The following SNX27 variants were observed in gnomAD, a reference collection of about 807,000 sequenced individuals.
The protein encoded by SNX27 is sorting nexin 27, also known as sorting nexin-27.
Under a neutral mutation model 71.6 loss-of-function variants are expected in SNX27, and 22 were observed. That is an observed-to-expected ratio of 0.31 (90% confidence interval 0.22 to 0.44). The LOEUF is 0.44. Ranked by LOEUF, SNX27 falls within the 20% of genes least tolerant of loss-of-function variation. SNX27 has a pLI of 1.00. For missense variants in SNX27, 531 were observed against 698.6 expected (o/e 0.76, Z 2.70); for synonymous variants, 269 against 277.2 (o/e 0.97, Z 0.29).
chr1:151,690,677 G>A (rs540257695), intron 8 of SNX27, among the ~76,000 whole-genome samples: 70 of 151,798 alleles, frequency 4.6e-4, no homozygotes, highest in South Asian at 2.5e-3. Context: ...TAACTCCTGG[G>A]TTCAAGTGAT....
intron 1 of SNX27, among the ~76,000 whole-genome samples, chr1:151,627,965 G>A (rs1196351): frequency 0.9 from 136,342 of 151,052 alleles, 62,521 homozygotes; most frequent in Non-Finnish European, 0.99. Flanking sequence ...TCTTTCCCTT[G>A]GCAACATGGA....
rs142397855 is a variant in SNX27 at position 151,662,047 on chromosome 1, G to A, written c.802-119G>A. The A allele has an allele frequency of 7.2e-4, 422 of 587,904 alleles. 1 individual carries two copies. In the African/African-American group the frequency reaches 7.4e-3, roughly 10 times the overall value. 36.4% of individuals were successfully genotyped at this position (587,904 alleles called of 1,614,324 possible). ...TTGTAAATGTATTGATTTTTTTCCCGTTTTCATTGGAACTCACTTCTTCTC... is the reference window on the plus strand; with the variant it reads ...TTGTAAATGTATTGATTTTTTTCCCATTTTCATTGGAACTCACTTCTTCTC... On this transcript the variant is annotated intron_variant, in intron 4 of 11. Transcript: ENST00000458013.
chr1:151,639,524 G>T (rs1236463201), intron 2 of SNX27, among the ~76,000 whole-genome samples: 1 of 152,174 alleles, frequency 6.6e-6, no homozygotes, highest in Non-Finnish European at 1.5e-5. Flanking sequence ...TGTCCTTCAA[G>T]ATATTTGGGT....
In SNX27 at chr1:151,667,543, G is replaced by GA. The variant is rs1360799160; in HGVS notation, c.986-929_986-928insA. On this transcript the variant is annotated intron_variant, in intron 6 of 11. Transcript: ENST00000458013. ...GAGGCTTGCTTTAAAGATGTTTAGTGGGCCGGGCGCGGTGGCTCACGCCTG... is the reference window on the plus strand; with the variant it reads ...GAGGCTTGCTTTAAAGATGTTTAGTGAGGCCGGGCGCGGTGGCTCACGCCTG... Among the ~76,000 whole-genome samples, 4 of 152,132 alleles carry GA rather than the reference G, an allele frequency of 2.6e-5. No individual in the cohort carries two copies. In the South Asian group the frequency reaches 8.3e-4, roughly 32 times the overall value.
chr1:151,665,426 A>C (rs1211623881), intron 5 of SNX27, among the ~76,000 whole-genome samples: 3 of 152,182 alleles, frequency 2.0e-5, no homozygotes, highest in Admixed American at 6.5e-5. Flanking sequence ...GTAAACAAAA[A>C]AATTTTGTTT....
At position 151,641,224 on chromosome 1, in the gene SNX27, C is replaced by A. The variant is rs565917126; in HGVS notation, c.543+2105C>A. 1.3e-4 allele frequency among the ~76,000 whole-genome samples: 20 copies of A among 152,020 alleles called. No homozygotes were observed. In the South Asian group the frequency reaches 4.2e-3, roughly 32 times the overall value. On this transcript the variant is annotated intron_variant, in intron 2 of 11. Coordinates refer to ENST00000458013, the MANE Select transcript of SNX27 (RefSeq NM_001330723.2). ...GTTTTCATTGCTCTTGAGTATATAC[C>A]AAGAAGTGGAATTGCAGGGTAAGTG...
rs200636393 is a variant in SNX27, at chr1:151,694,714, A to C, written c.*297A>C. 1 of 324,794 alleles carries C rather than the reference A, an allele frequency of 3.1e-6. No individual in the cohort carries two copies. The highest frequency in any genetic ancestry group is 5.6e-6 in the Non-Finnish European group (1 of 177,444). 20.1% of individuals were successfully genotyped at this position (324,794 alleles called of 1,614,324 possible). A position where few individuals can be genotyped will look rare whatever the true frequency, so the allele number is the denominator to read the frequency against. ...GTCCTTTCACCTGGGCCTCATACCA[A>C]CAGCCTCTCCTTGTACTATATTTTT... On this transcript the variant is annotated 3_prime_UTR_variant, in exon 12 of 12. Transcript: ENST00000458013.
At position 151,639,013 on chromosome 1, in the gene SNX27, G is replaced by C. The variant is rs747636472; in HGVS notation, c.437G>C (p.Ser146Thr). 2 of 1,614,134 alleles carry C rather than the reference G, an allele frequency of 1.2e-6. No homozygotes were observed. The highest frequency in any genetic ancestry group is 3.3e-5 in the Admixed American group (2 of 60,010). Residue 146 changes from serine to threonine, a missense_variant, in exon 2 of 12, where the codon AGT becomes ACT. By Grantham distance (58) the Ser-to-Thr change is moderately conservative (BLOSUM62 1). Coordinates refer to ENST00000458013, the MANE Select transcript of SNX27 (RefSeq NM_001330723.2). ...CATGAGGCAGATAACCTAGATCCCA[G>C]TGACGACTCGTTGGGACAATCATTT... is the stretch of plus-strand genomic sequence containing the variant. Reference protein sequence around the residue: ...PPHEADNLDPSDDSLGQSFYD... With the variant: ...PPHEADNLDPTDDSLGQSFYD...
intron 1 of SNX27, among the ~76,000 whole-genome samples, chr1:151,619,103 A>T (rs71625127): frequency 2.0e-5 from 3 of 152,044 alleles, no homozygotes. Flanking sequence ...CACTTTGGGA[A>T]GCCGAGGTGG....
At chr1:151,623,805 G>C (rs1192043368) in intron 1 of SNX27, among the ~76,000 whole-genome samples, 7 of 151,580 alleles carry the variant, frequency 4.6e-5, no homozygotes, top group African/African-American at 1.7e-4. Flanking sequence ...TATTGATCAG[G>C]TTTTTAAAGA....
intron 8 of SNX27, among the ~76,000 whole-genome samples, chr1:151,689,600 G>A (rs978250917): frequency 6.6e-6 from 1 of 152,198 alleles, no homozygotes; most frequent in Non-Finnish European, 1.5e-5. Context: ...ACCTCTCAAC[G>A]AAGAGAACTC....
chr1:151,652,353 C>T (rs1646611309), intron 2 of SNX27, among the ~76,000 whole-genome samples: 1 of 150,738 alleles, frequency 6.6e-6, no homozygotes, highest in African/African-American at 2.4e-5. Context: ...CAGCTGTGTC[C>T]AGTCTGCTGA....
At chr1:151,622,451 T>C (rs1438179035) in intron 1 of SNX27, among the ~76,000 whole-genome samples, 1 of 152,216 alleles carries the variant, frequency 6.6e-6, no homozygotes, top group Non-Finnish European at 1.5e-5. Context: ...TCAGAAATAG[T>C]AGTGTAATAG....
chr1:151,692,319 T>A, intron 8 of SNX27, 116 bp from the exon 9 acceptor site: 2 of 1,315,624 alleles, frequency 1.5e-6, no homozygotes, highest in South Asian at 1.7e-5. Flanking sequence ...TGGGTGAGAA[T>A]ACTCTTTGTT....
intron 2 of SNX27, among the ~76,000 whole-genome samples, chr1:151,652,813 G>A (rs894467979): frequency 1.3e-5 from 2 of 151,866 alleles, no homozygotes; most frequent in Admixed American, 1.3e-4. Flanking sequence ...TTTTCCTTTT[G>A]CATGAGATCT....
chr1:151,673,916 C>G (rs761730062), intron 7 of SNX27, among the ~76,000 whole-genome samples: 5 of 152,022 alleles, frequency 3.3e-5, no homozygotes, highest in Non-Finnish European at 5.9e-5. Flanking sequence ...TATTTTCCAT[C>G]TGTGTGTGTC....
Position 151,641,673 on chromosome 1 carries a change from C to CATATATATATGAT in SNX27, c.543+2562_543+2563insATGATATATATAT, listed in dbSNP as rs1319868251. ...TATCATATGTATCAGATATATATAT[C>CATATATATATGAT]ATATATATCTGATATATATATCATA... is the stretch of plus-strand genomic sequence containing the variant. On this transcript the variant is annotated intron_variant, in intron 2 of 11. Transcript: ENST00000458013. Among the ~76,000 whole-genome samples, 5 of 115,722 alleles carry CATATATATATGAT rather than the reference C, an allele frequency of 4.3e-5. No homozygotes were observed. The South Asian group carries it at 8.7e-4, about 20-fold the overall frequency. 75.9% of individuals were successfully genotyped at this position (115,722 alleles called of 152,430 possible).
At chr1:151,644,445 T>C (rs1668938162) in intron 2 of SNX27, among the ~76,000 whole-genome samples, 1 of 152,212 alleles carries the variant, frequency 6.6e-6, no homozygotes, top group Non-Finnish European at 1.5e-5. Flanking sequence ...CTTATTCAAG[T>C]TGTAGCATGC....
At chr1:151,651,715 A>C (rs1179281735) in intron 2 of SNX27, among the ~76,000 whole-genome samples, 4 of 146,612 alleles carry the variant, frequency 2.7e-5, no homozygotes, top group Non-Finnish European at 6.0e-5. Flanking sequence ...CTCACTTTCC[A>C]GACTGGGCAG....
Sources: gnomAD v4.1 joint callset for allele counts (sites outside exome capture counted in the v4.1 genomes callset) on GRCh38, gnomAD v4.1.1 for gene constraint, MANE v1.5 for transcripts, NCBI Gene and HGNC (gene_info 2026-07-23, HGNC 2026-07-21) for gene names.